The following MOXD1 variants were observed in gnomAD, a reference collection of about 807,000 sequenced individuals.
The protein encoded by MOXD1 is DBH-like monooxygenase protein 1.
In MOXD1, 62 loss-of-function variants were observed where a neutral mutation model predicts 66.6. The ratio of observed to expected loss-of-function variants is 0.93; its 90% CI spans 0.76 to 1.15. The LOEUF (loss-of-function observed/expected upper bound fraction) is 1.15. MOXD1 is among the 50% of genes most tolerant of loss of function. The pLI is 0.00. For missense variants in MOXD1, 847 were observed against 754.6 expected, an observed-to-expected ratio of 1.12 and a Z score of -1.44; for synonymous variants, 303 against 281.9, an observed-to-expected ratio of 1.07 and a Z score of -0.75.
At chr6:132,334,942 C>T (rs1015954721) in intron 4 of MOXD1, among the ~76,000 whole-genome samples, 22 of 152,166 alleles carry the variant, frequency 1.4e-4, no homozygotes, top group Admixed American at 6.5e-5. Context: ...ACATAGAGAA[C>T]CTAAGACCAA....
At chr6:132,303,350 A>T (rs1436597474) in intron 10 of MOXD1, among the ~76,000 whole-genome samples, 2 of 152,154 alleles carry the variant, frequency 1.3e-5, no homozygotes, top group African/African-American at 4.8e-5. Flanking sequence ...AAAAATTCTA[A>T]CAAATAATTA....
In MOXD1 at chr6:132,393,117, T is replaced by C. The variant is rs1376110893; in HGVS notation, c.264+8046A>G. On this transcript the variant is annotated intron_variant, in intron 1 of 11. Transcript: ENST00000367963. The stretch of plus-strand genomic sequence containing the variant: ...TAGAATAGGAGGACAGTTGAAAAAT[T>C]ACCAACTGCTTCCAACTCCTTGTGA... 2.0e-5 allele frequency among the ~76,000 whole-genome samples: 3 copies of C among 151,996 alleles called. No individual in the cohort carries two copies. In the East Asian group the frequency reaches 5.8e-4, roughly 29 times the overall value.
intron 4 of MOXD1, among the ~76,000 whole-genome samples, chr6:132,362,662 A>G (rs200479447): frequency 1.3e-5 from 2 of 152,310 alleles, no homozygotes; most frequent in East Asian, 3.9e-4. Context: ...AAGGGGAATC[A>G]AACAGTCCAT....
At chr6:132,349,410 T>TATATATATACAC (rs1562289904) in intron 4 of MOXD1, among the ~76,000 whole-genome samples, 2 of 82,672 alleles carry the variant, frequency 2.4e-5, no homozygotes, top group Non-Finnish European at 2.1e-5. Context: ...TATATACATA[T>TATATATATACAC]ATATATATAT....
intron 4 of MOXD1, among the ~76,000 whole-genome samples, chr6:132,362,020 T>A (rs1042296892): frequency 6.6e-6 from 1 of 152,100 alleles, no homozygotes; most frequent in Non-Finnish European, 1.5e-5. Context: ...ACATATAATT[T>A]TTCCTGCTAA....
rs184657025 is a variant in MOXD1 at position 132,389,746 on chromosome 6, C to A, written c.264+11417G>T. Reference sequence around the variant, plus strand: ...GCAATCTGCCATAGCATGAACTCATCTTGGCCCTATCCAAAAGGATCTGGG... The same window carrying A: ...GCAATCTGCCATAGCATGAACTCATATTGGCCCTATCCAAAAGGATCTGGG... On this transcript the variant is annotated intron_variant, in intron 1 of 11. Coordinates refer to ENST00000367963, the MANE Select transcript of MOXD1 (RefSeq NM_015529.4). Among the ~76,000 whole-genome samples, 7 of 151,588 alleles carry A rather than the reference C, an allele frequency of 4.6e-5. No homozygotes were observed. The East Asian group carries it at 1.2e-3, about 25-fold the overall frequency.
At chr6:132,300,567 C>T in intron 10 of MOXD1, among the ~76,000 whole-genome samples, 1 of 152,146 alleles carries the variant, frequency 6.6e-6, no homozygotes, top group East Asian at 1.9e-4. Context: ...TGCCTAAAGC[C>T]TCTGGTGCCC....
At chr6:132,316,275 C>T (rs1044331115) in intron 9 of MOXD1, among the ~76,000 whole-genome samples, 4 of 151,968 alleles carry the variant, frequency 2.6e-5, no homozygotes, top group African/African-American at 9.7e-5. Context: ...AGAGTTACTA[C>T]AACATATTAT....
At chr6:132,387,683 A>C (rs1327953948) in intron 1 of MOXD1, among the ~76,000 whole-genome samples, 7 of 148,056 alleles carry the variant, frequency 4.7e-5, no homozygotes, top group African/African-American at 4.9e-5. Context: ...TAACCTGGGG[A>C]ACGGAGGTTG....
At position 132,323,961 on chromosome 6, in the gene MOXD1, C is replaced by G. The variant is rs148063359; in HGVS notation, c.1083G>C (p.Glu361Asp). 1.2e-6 allele frequency: 2 copies of G among 1,613,180 alleles called. No homozygotes were observed. Among genetic ancestry groups the G allele is most frequent in the Non-Finnish European group, 1.7e-6 (2 of 1,179,782 alleles). The change falls in exon 7 of 12, where the codon GAG becomes GAC. Residue 361 changes from glutamate (E) to aspartate (D), a missense_variant. Transcript: ENST00000367963. ...CCAGGCACTCCAAAGTGCAGTGACC[C>G]TCAGACTGGAACTCAGGCATCCCTG... ...IPPGMPEFQSEGHCTLECLEE... is the reference protein window; with the variant it reads ...IPPGMPEFQSDGHCTLECLEE...
intron 4 of MOXD1, among the ~76,000 whole-genome samples, chr6:132,371,983 C>T (rs551666422): frequency 1.4e-4 from 21 of 152,256 alleles, no homozygotes; most frequent in Non-Finnish European, 2.8e-4. Flanking sequence ...ATTACTAGCA[C>T]GGAGCCAAGG....
chr6:132,342,058 A>T (rs1775574572), intron 4 of MOXD1, among the ~76,000 whole-genome samples: 1 of 152,088 alleles, frequency 6.6e-6, no homozygotes, highest in Admixed American at 6.6e-5. Flanking sequence ...GCTGGAGTTC[A>T]GAGGTGTGAT....
At chr6:132,400,943 C>A (rs1777009033) in intron 1 of MOXD1, among the ~76,000 whole-genome samples, 1 of 152,222 alleles carries the variant, frequency 6.6e-6, no homozygotes, top group Non-Finnish European at 1.5e-5. Context: ...AGGAAACCTG[C>A]CTGGGGTCAT....
intron 1 of MOXD1, chr6:132,392,345 T>A: frequency 6.4e-7 from 1 of 1,554,496 alleles, no homozygotes; most frequent in Non-Finnish European, 8.7e-7. Flanking sequence ...TCACCAGCGA[T>A]TTATACCCCC....
chr6:132,386,713 T>G (rs1057128549), intron 1 of MOXD1, among the ~76,000 whole-genome samples: 1 of 151,412 alleles, frequency 6.6e-6, no homozygotes, highest in African/African-American at 2.4e-5. Context: ...AGAATTTGTC[T>G]CAAAAATGTT....
intron 4 of MOXD1, among the ~76,000 whole-genome samples, chr6:132,350,763 A>C (rs1753861685): frequency 6.6e-6 from 1 of 152,140 alleles, no homozygotes. Context: ...TAAGCATGGG[A>C]TGTGTTTCCA....
intron 4 of MOXD1, among the ~76,000 whole-genome samples, chr6:132,338,912 T>A (rs917315587): frequency 2.0e-5 from 3 of 152,204 alleles, no homozygotes; most frequent in Non-Finnish European, 4.4e-5. Flanking sequence ...AGTATTACTA[T>A]CTTAAGTTGG....
chr6:132,344,573 C>G (rs1775631871), intron 4 of MOXD1, among the ~76,000 whole-genome samples: 1 of 152,212 alleles, frequency 6.6e-6, no homozygotes, highest in Non-Finnish European at 1.5e-5. Context: ...TTGAGAACCT[C>G]TGTTCCCATT....
chr6:132,321,195 T>C (rs894177859), intron 8 of MOXD1, among the ~76,000 whole-genome samples: 2 of 150,712 alleles, frequency 1.3e-5, no homozygotes, highest in African/African-American at 4.9e-5. Flanking sequence ...ACCCAGGAGG[T>C]GGAGGTTGCA....
Sources: allele counts gnomAD v4.1 joint callset (sites outside exome capture counted in the v4.1 genomes callset), GRCh38; gene constraint gnomAD v4.1.1; transcripts MANE v1.5; gene names NCBI Gene and HGNC (gene_info 2026-07-23, HGNC 2026-07-21).